The following TENM2 variants were observed in gnomAD, a reference collection of about 807,000 sequenced individuals.
TENM2 encodes teneurin-2.
In TENM2, 52 loss-of-function variants were observed where a neutral mutation model predicts 245.2. That is an observed-to-expected ratio of 0.21 (90% CI 0.17 to 0.27). The LOEUF (loss-of-function observed/expected upper bound fraction) is 0.27. TENM2 is among the 10% of genes least tolerant of loss of function. The pLI is 1.00. For synonymous variants in TENM2, 1,363 were observed against 1,438.9 expected, an observed-to-expected ratio of 0.95 and a Z score of 1.19; for missense variants, 3,046 against 3,666.8, an observed-to-expected ratio of 0.83 and a Z score of 4.37.
At chr5:167,834,123 A>G (rs1396551616) in intron 2 of TENM2, among the ~76,000 whole-genome samples, 1 of 152,212 alleles carries the variant, frequency 6.6e-6, no homozygotes, top group East Asian at 1.9e-4. Flanking sequence ...GAAAAATATC[A>G]GAGAATGAGT....
At chr5:168,015,740 C>T (rs889277156) in intron 5 of TENM2, among the ~76,000 whole-genome samples, 16 of 152,128 alleles carry the variant, frequency 1.1e-4, no homozygotes, top group Admixed American at 2.6e-4. Context: ...AGTTTCCTCC[C>T]GTTTTTCTCA....
At chr5:168,256,581 C>T (rs971753541) in intron 27 of TENM2, among the ~76,000 whole-genome samples, 21 of 152,090 alleles carry the variant, frequency 1.4e-4, no homozygotes, top group Non-Finnish European at 2.8e-4. Context: ...GCGTGCACCA[C>T]GCCCGGCTAT....
At chr5:167,223,334 G>A in the TENM2 span, among the ~76,000 whole-genome samples, 190 of 151,324 alleles carry the variant, frequency 1.3e-3, 1 homozygote, top group African/African-American at 4.3e-3. Flanking sequence ...TAACTCCCCC[G>A]ACCCCCACCC....
Position 168,133,485 on chromosome 5 carries a change from T to TGC in TENM2, c.2422+6520_2422+6521dup, listed in dbSNP as rs1407336150. 7.2e-5 allele frequency among the ~76,000 whole-genome samples: 11 copies of TGC among 152,376 alleles called. No homozygotes were observed. In the East Asian group the frequency reaches 1.7e-3, roughly 24 times the overall value. On this transcript the variant is annotated intron_variant, in intron 12 of 28. Transcript: ENST00000518659. ...GAAACATATGAATGGGTTATTCTAA[T>TGC]GCAATCAAGCCTTTCTCTCTTCTGT...
chr5:167,535,155 GGTACACAACATAA>G (rs543014735), intron 2 of TENM2, among the ~76,000 whole-genome samples: 9 of 151,808 alleles, frequency 5.9e-5, no homozygotes, highest in Admixed American at 5.9e-4. Context: ...ATGTCCACAG[GGTACACAACATAA>G]GTTATTGACC....
intron 5 of TENM2, among the ~76,000 whole-genome samples, chr5:168,039,308 C>T (rs1025816657): frequency 6.6e-6 from 1 of 152,096 alleles, no homozygotes; most frequent in East Asian, 1.9e-4. Context: ...CTGCTGGTTG[C>T]CGTTCTTTGA....
chr5:167,355,759 G>A (rs567042773), intron 1 of TENM2, among the ~76,000 whole-genome samples: 1 of 151,944 alleles, frequency 6.6e-6, no homozygotes, highest in East Asian at 1.9e-4. Flanking sequence ...TCTCAATAGA[G>A]AACAATTGTC....
the TENM2 span, among the ~76,000 whole-genome samples, chr5:167,186,150 AC>A: frequency 6.6e-6 from 1 of 152,308 alleles, no homozygotes; most frequent in African/African-American, 2.4e-5. Context: ...TTAAAGATCA[AC>A]CTTTTTTTCC....
At chr5:167,781,312 T>C (rs941617477) in intron 2 of TENM2, among the ~76,000 whole-genome samples, 9 of 152,336 alleles carry the variant, frequency 5.9e-5, no homozygotes, top group African/African-American at 2.2e-4. Context: ...AGACAAGGTC[T>C]TGTAAATTCC....
chr5:167,811,074 T>C (rs1766600978), intron 2 of TENM2, among the ~76,000 whole-genome samples: 1 of 152,136 alleles, frequency 6.6e-6, no homozygotes, highest in African/African-American at 2.4e-5. Flanking sequence ...CTCCAAATTT[T>C]TGCATGATAT....
intron 13 of TENM2, among the ~76,000 whole-genome samples, chr5:168,172,230 C>T (rs776698929): frequency 1.3e-5 from 2 of 152,176 alleles, no homozygotes; most frequent in African/African-American, 2.4e-5. Flanking sequence ...GTCAATAACA[C>T]CAAGGCTGAG....
chr5:168,025,167 T>A (rs1786490433), intron 5 of TENM2, among the ~76,000 whole-genome samples: 1 of 152,160 alleles, frequency 6.6e-6, no homozygotes, highest in Non-Finnish European at 1.5e-5. Context: ...CTACATGGTC[T>A]TCAAAAAAAA....
At chr5:167,526,558 T>C (rs1771138207) in intron 2 of TENM2, among the ~76,000 whole-genome samples, 1 of 152,086 alleles carries the variant, frequency 6.6e-6, no homozygotes, top group Non-Finnish European at 1.5e-5. Context: ...TGTTTGTTTT[T>C]TTCTTTTTTC....
intron 4 of TENM2, among the ~76,000 whole-genome samples, chr5:167,971,530 G>A (rs114370021): frequency 0.21 from 31,641 of 151,854 alleles, 3,987 homozygotes; most frequent in South Asian, 0.35. Context: ...GTGAAACTTC[G>A]TGTCTATTAA....
the TENM2 span, among the ~76,000 whole-genome samples, chr5:167,016,515 T>C: frequency 1.3e-5 from 2 of 152,182 alleles, no homozygotes; most frequent in Non-Finnish European, 2.9e-5. Flanking sequence ...AGCAAGCAAG[T>C]TTTTCTCCTG....
At chr5:167,316,902 T>C (rs982418031) in intron 1 of TENM2, among the ~76,000 whole-genome samples, 1 of 152,172 alleles carries the variant, frequency 6.6e-6, no homozygotes, top group Non-Finnish European at 1.5e-5. Flanking sequence ...TGGCTAATTA[T>C]GCTCTTCTAA....
chr5:167,320,286 G>A (rs905598721), intron 1 of TENM2, among the ~76,000 whole-genome samples: 7 of 152,048 alleles, frequency 4.6e-5, no homozygotes, highest in African/African-American at 7.2e-5. Context: ...ATTAAATACA[G>A]ATAAAAATTA....
In TENM2 at chr5:167,650,921, C is replaced by T. The variant is rs117368318; in HGVS notation, c.503-225065C>T. Among the ~76,000 whole-genome samples the T allele has an allele frequency of 2.6e-5, 4 of 152,230 alleles. No homozygotes were observed. In the East Asian group the frequency reaches 7.7e-4, roughly 29 times the overall value. ...TTGAAAGATAAAGCTAACCATTAGA[C>T]TTGGAAGTAAAAACTAAATTCTGGA... On this transcript the variant is annotated intron_variant, in intron 2 of 28. Transcript: ENST00000518659.
intron 23 of TENM2, among the ~76,000 whole-genome samples, chr5:168,221,888 G>A (rs924668139): frequency 3.9e-5 from 6 of 152,170 alleles, no homozygotes; most frequent in Admixed American, 3.9e-4. Context: ...ATTGACGTTG[G>A]ACACGTTATT....
Sources: gnomAD v4.1 joint callset for allele counts (sites outside exome capture counted in the v4.1 genomes callset) on GRCh38, gnomAD v4.1.1 for gene constraint, MANE v1.5 for transcripts, NCBI Gene and HGNC (gene_info 2026-07-23, HGNC 2026-07-21) for gene names.